Variants in CTNNAL1 observed in about 807,000 individuals in gnomAD.
The protein encoded by CTNNAL1 is alpha-catulin.
CTNNAL1 carries 69 observed loss-of-function variants against 93.6 expected under a neutral mutation model. That is an observed-to-expected ratio of 0.74 (90% CI 0.61 to 0.90). The LOEUF (loss-of-function observed/expected upper bound fraction) is 0.90, where lower values mean the gene tolerates loss of function less well. CTNNAL1 is among the 40% of genes least tolerant of loss of function. The probability of loss-of-function intolerance (pLI) is 0.00; values close to 1 mark genes in which losing one functional copy is unlikely to be tolerated. For missense variants in CTNNAL1, 836 were observed against 862.0 expected, an observed-to-expected ratio of 0.97 and a Z score of 0.38; for synonymous variants, 286 against 305.4, an observed-to-expected ratio of 0.94 and a Z score of 0.66.
intron 4 of CTNNAL1, among the ~76,000 whole-genome samples, chr9:108,987,752 G>A (rs1831660747): frequency 6.6e-6 from 1 of 152,200 alleles, no homozygotes; most frequent in Non-Finnish European, 1.5e-5. Context: ...CACGTCCCTT[G>A]TAGTTGGATT....
rs751557242 is a variant in CTNNAL1 at position 108,943,983 on chromosome 9, A to C, written c.1920T>G (p.Ser640Arg). ...TTACCTGTTTTGAAAAAGCTTGAAC[A>C]CTGGAAGTAAGCTTTAAACCCTCTG... ...FAAEGLKLTS[S>R]VQAFSKQLKD... The change falls in exon 16 of 19, where the codon AGT becomes AGG. Residue 640 changes from serine to arginine, a missense_variant. Physicochemically the swap from Ser to Arg is moderately radical, Grantham distance 110. Coordinates refer to ENST00000325551, the MANE Select transcript of CTNNAL1 (RefSeq NM_003798.4). 2 of 1,613,778 alleles carry C rather than the reference A, an allele frequency of 1.2e-6. No homozygotes were observed. Among genetic ancestry groups the C allele is most frequent in the African/African-American group, 2.7e-5 (2 of 74,932 alleles).
chr9:108,979,349 G>A lies in CTNNAL1; in HGVS notation c.1033C>T (p.Arg345Cys), dbSNP rs756041124. ...GCCTGAGTTGACAGTTCCAAGATGC[G>A]TTCTCTGTGCTCATGGCTGGTGTAG... is the stretch of plus-strand genomic sequence containing the variant. ...SAYTSHEHRE[R>C]ILELSTQARM... Residue 345 changes from arginine (R) to cysteine (C), a missense_variant, in exon 7 of 19, where the codon CGC becomes TGC. Physicochemically the swap from Arg to Cys is radical, Grantham distance 180. Coordinates refer to ENST00000325551, the MANE Select transcript of CTNNAL1 (RefSeq NM_003798.4). The A allele has an allele frequency of 2.2e-5, 35 of 1,614,024 alleles. No homozygotes were observed. The highest frequency in any genetic ancestry group is 1.6e-4 in the Middle Eastern group (1 of 6,084).
intron 9 of CTNNAL1, 40 bp downstream of exon 9, chr9:108,972,635 A>C (rs1356867395): frequency 6.6e-7 from 1 of 1,512,938 alleles, no homozygotes; most frequent in African/African-American, 1.4e-5. Context: ...TAATAAAGCC[A>C]TTATTAAACT....
intron 9 of CTNNAL1, among the ~76,000 whole-genome samples, chr9:108,971,667 T>C (rs1050436775): frequency 6.6e-6 from 1 of 152,220 alleles, no homozygotes; most frequent in Non-Finnish European, 1.5e-5. Flanking sequence ...TCCTCTGCCA[T>C]GTGGAACTGT....
intron 10 of CTNNAL1, among the ~76,000 whole-genome samples, chr9:108,966,954 A>AAC (rs908727371): frequency 1.3e-5 from 2 of 152,108 alleles, no homozygotes; most frequent in African/African-American, 2.4e-5. Flanking sequence ...CATTACATAA[A>AAC]ACACACACAC....
chr9:108,968,724 C>T (rs1390259212), intron 10 of CTNNAL1, among the ~76,000 whole-genome samples: 2 of 152,140 alleles, frequency 1.3e-5, no homozygotes, highest in African/African-American at 2.4e-5. Context: ...GAGATCATCC[C>T]TCCAACATCC....
Position 108,970,492 on chromosome 9 carries a change from G to GGTCTACAAGACAATAT in CTNNAL1, c.1348-14_1349dup (p.Cys451TyrfsTer41), listed in dbSNP as rs747953462. 5 of 1,609,376 alleles carry GGTCTACAAGACAATAT rather than the reference G, an allele frequency of 3.1e-6. No homozygotes were observed. The highest frequency in any genetic ancestry group is 4.2e-6 in the Non-Finnish European group (5 of 1,178,008). On this transcript the variant is annotated frameshift_variant and splice_region_variant, in exon 10 of 19. Coordinates refer to ENST00000325551, the MANE Select transcript of CTNNAL1 (RefSeq NM_003798.4). LOFTEE classifies it high-confidence loss of function. ...CAGATATGTGTCGTAACAATCGACA[G>GGTCTACAAGACAATAT]GTCTACAAGACAATATGTCTACAGT...
chr9:108,992,778 G>T lies in CTNNAL1; in HGVS notation c.373C>A (p.His125Asn), dbSNP rs753312528. ...AALTDITNLN[H>N]LESDGQITIF... ...GTGATCTGCCCATCAGATTCCAGAT[G>T]GTTCAAGTTGGTTATGTCTGTAAGT... is the stretch of plus-strand genomic sequence containing the variant. Residue 125 changes from histidine (H) to asparagine (N), a missense_variant, in exon 3 of 19, where the codon CAT (histidine) becomes AAT (asparagine). Coordinates refer to ENST00000325551, the MANE Select transcript of CTNNAL1 (RefSeq NM_003798.4). 2.9e-5 allele frequency: 47 copies of T among 1,613,338 alleles called. No homozygotes were observed. Among genetic ancestry groups the T allele is most frequent in the Non-Finnish European group, 3.9e-5 (46 of 1,179,764 alleles).
chr9:108,972,864 G>GGGGCCGCCCCCC, intron 8 of CTNNAL1, 31 bp from the exon 9 acceptor site: 1 of 142,586 alleles, frequency 7.0e-6, no homozygotes, highest in Non-Finnish European at 1.0e-5. Flanking sequence ...GGGGGGGTGG[G>GGGGCCGCCCCCC]AGGGTGGAGA....
At chr9:108,971,487 C>A (rs1434156278) in intron 9 of CTNNAL1, among the ~76,000 whole-genome samples, 2 of 152,172 alleles carry the variant, frequency 1.3e-5, no homozygotes, top group African/African-American at 4.8e-5. Context: ...GTGGAAGTAA[C>A]TGAATCATGG....
At chr9:108,953,207 C>T (rs1165243931) in intron 12 of CTNNAL1, among the ~76,000 whole-genome samples, 4 of 152,146 alleles carry the variant, frequency 2.6e-5, no homozygotes, top group African/African-American at 9.7e-5. Context: ...CTAGTTAGAC[C>T]AGGCTAGTCC....
intron 14 of CTNNAL1, chr9:108,950,777 G>A (rs1830539401): frequency 1.4e-6 from 1 of 723,250 alleles, no homozygotes. Flanking sequence ...AAGTGAAGCT[G>A]CCTTTGAGAT....
chr9:108,954,466 T>A (rs1391238495), intron 12 of CTNNAL1, among the ~76,000 whole-genome samples: 1 of 152,208 alleles, frequency 6.6e-6, no homozygotes, highest in African/African-American at 2.4e-5. Flanking sequence ...CTCAAAAAAT[T>A]ATTTTGTAGT....
At chr9:108,962,883 T>C (rs1830855288) in intron 11 of CTNNAL1, among the ~76,000 whole-genome samples, 1 of 152,164 alleles carries the variant, frequency 6.6e-6, no homozygotes, top group Non-Finnish European at 1.5e-5. Flanking sequence ...ACTTGAAGCA[T>C]AGAGAGATTA....
chr9:108,972,864 G>GCCC, intron 8 of CTNNAL1, 31 bp from the exon 9 acceptor site: 3 of 142,568 alleles, frequency 2.1e-5, no homozygotes, highest in Non-Finnish European at 3.0e-5. Context: ...GGGGGGGTGG[G>GCCC]AGGGTGGAGA....
chr9:108,945,884 C>A (rs1353732523), intron 15 of CTNNAL1, among the ~76,000 whole-genome samples: 1 of 152,162 alleles, frequency 6.6e-6, no homozygotes, highest in Non-Finnish European at 1.5e-5. Flanking sequence ...TTGTACTTAA[C>A]ATGTGCAAAA....
intron 1 of CTNNAL1, among the ~76,000 whole-genome samples, chr9:109,001,064 T>C (rs1194811561): frequency 6.8e-6 from 1 of 146,680 alleles, no homozygotes; most frequent in African/African-American, 2.5e-5. Flanking sequence ...CCCAGCTACT[T>C]GGGAGGCTGA....
At position 108,943,757 on chromosome 9, in the gene CTNNAL1, G is replaced by A. The variant is rs763814785; in HGVS notation, c.2001C>T (p.Cys667=). The change falls in exon 17 of 19, where the codon TGC becomes TGT. Residue 667 remains cysteine, a synonymous_variant. Coordinates refer to ENST00000325551, the MANE Select transcript of CTNNAL1 (RefSeq NM_003798.4). ...TCTTAGTTACTGTCTGGAGCTGGTGGCATAGAGGAATTAGCTTGTTTATTT... is the reference window on the plus strand; with the variant it reads ...TCTTAGTTACTGTCTGGAGCTGGTGACATAGAGGAATTAGCTTGTTTATTT... ...LLEINKLIPL[C]HQLQTVTKTS... 1 of 1,613,706 alleles carries A rather than the reference G, an allele frequency of 6.2e-7. No homozygotes were observed. The highest frequency in any genetic ancestry group is 1.3e-5 in the African/African-American group (1 of 74,894).
At chr9:109,000,719 G>GC (rs1255874086) in intron 1 of CTNNAL1, among the ~76,000 whole-genome samples, 4 of 147,714 alleles carry the variant, frequency 2.7e-5, no homozygotes, top group Non-Finnish European at 4.5e-5. Context: ...AAAAAAAAAA[G>GC]CCCTTAGGAA....
Sources: gnomAD v4.1 joint callset for allele counts (sites outside exome capture counted in the v4.1 genomes callset) on GRCh38, gnomAD v4.1.1 for gene constraint, MANE v1.5 for transcripts, NCBI Gene and HGNC (gene_info 2026-07-23, HGNC 2026-07-21) for gene names.